The following TMEM154 variants were observed in gnomAD, a reference collection of about 807,000 sequenced individuals.
The protein encoded by TMEM154 is transmembrane protein 154.
TMEM154 carries 27 observed loss-of-function variants against 24.5 expected under a neutral mutation model. The ratio of observed to expected loss-of-function variants is 1.10; its 90% CI spans 0.81 to 1.52. The LOEUF is 1.52. TMEM154 is among the 40% of genes most tolerant of loss of function. The probability of loss-of-function intolerance (pLI) is 0.00; values close to 1 mark genes in which losing one functional copy is unlikely to be tolerated. For missense variants in TMEM154, 228 were observed against 213.4 expected (o/e 1.07, Z -0.43); for synonymous variants, 67 against 76.8 (o/e 0.87, Z 0.67).
At chr4:152,647,657 G>A (rs140954181) in intron 3 of TMEM154, among the ~76,000 whole-genome samples, 648 of 152,188 alleles carry the variant, frequency 4.3e-3, no homozygotes, top group Middle Eastern at 0.01. Flanking sequence ...ACATTCTAAT[G>A]TTCTTTAATT....
rs1728962157 is a variant in TMEM154 at position 152,676,915 on chromosome 4, C to T, written c.64+2955G>A. Reference sequence around the variant, plus strand: ...TGGCCTTCAGCTCTCCCTTCTGCAACAATTCTGCTTTTAGCAACTAACAAA... The same window carrying T: ...TGGCCTTCAGCTCTCCCTTCTGCAATAATTCTGCTTTTAGCAACTAACAAA... On this transcript the variant is annotated intron_variant, in intron 1 of 6. Transcript: ENST00000304385. Among the ~76,000 whole-genome samples the T allele has an allele frequency of 4.6e-5, 7 of 152,276 alleles. No homozygotes were observed. In the South Asian group the frequency reaches 1.4e-3, roughly 32 times the overall value.
chr4:152,643,636 G>A (rs1021872888), intron 4 of TMEM154, among the ~76,000 whole-genome samples: 1 of 152,180 alleles, frequency 6.6e-6, no homozygotes, highest in African/African-American at 2.4e-5. Context: ...CAATTCCCAG[G>A]CCTTTCTCTC....
chr4:152,649,648 C>T (rs2149783483), intron 3 of TMEM154, among the ~76,000 whole-genome samples: 1 of 152,296 alleles, frequency 6.6e-6, no homozygotes. Flanking sequence ...GACCCCAAGG[C>T]CTCTAGCCTT....
intron 1 of TMEM154, among the ~76,000 whole-genome samples, chr4:152,674,224 G>T (rs1728907532): frequency 6.6e-6 from 1 of 152,062 alleles, no homozygotes; most frequent in Non-Finnish European, 1.5e-5. Context: ...AAAGGTGTGG[G>T]CCCAGGGAGA....
At chr4:152,665,836 G>A (rs576541444) in intron 1 of TMEM154, among the ~76,000 whole-genome samples, 1 of 147,436 alleles carries the variant, frequency 6.8e-6, no homozygotes, top group Admixed American at 6.8e-5. Context: ...TGCCCAGCCT[G>A]GAGTGCAGTG....
intron 1 of TMEM154, 109 bp downstream of exon 1, chr4:152,679,761 G>A: frequency 6.8e-7 from 1 of 1,461,312 alleles, no homozygotes; most frequent in South Asian, 1.2e-5. Flanking sequence ...TTCACAGAAA[G>A]GATTAGATTT....
At chr4:152,648,798 T>C (rs1335294921) in intron 3 of TMEM154, among the ~76,000 whole-genome samples, 5 of 152,126 alleles carry the variant, frequency 3.3e-5, no homozygotes, top group Non-Finnish European at 7.4e-5. Context: ...ACCATGTGAG[T>C]GGATACCTCC....
At chr4:152,668,936 C>T (rs1283863096) in intron 1 of TMEM154, 1 of 152,198 alleles carries the variant, frequency 6.6e-6, no homozygotes, top group Non-Finnish European at 1.5e-5. Flanking sequence ...GCTTCTGGTC[C>T]TATTTCACCT....
intron 5 of TMEM154, 70 bp from the exon 6 acceptor site, chr4:152,641,055 A>G: frequency 6.9e-7 from 1 of 1,444,888 alleles, no homozygotes; most frequent in Non-Finnish European, 9.6e-7. Context: ...AACCTGATAC[A>G]GTTAAATACC....
chr4:152,635,658 A>G (rs4696141), intron 6 of TMEM154, among the ~76,000 whole-genome samples: 137,734 of 152,256 alleles, frequency 0.9, 62,431 homozygotes, highest in South Asian at 0.97. Flanking sequence ...ATAGTGAAGC[A>G]ACTCCTTTTT....
At chr4:152,634,803 C>T (rs1024647182) in intron 6 of TMEM154, among the ~76,000 whole-genome samples, 2 of 152,210 alleles carry the variant, frequency 1.3e-5, no homozygotes, top group Non-Finnish European at 2.9e-5. Context: ...ACTTGAATTA[C>T]AGATGATCCC....
intron 6 of TMEM154, among the ~76,000 whole-genome samples, chr4:152,629,879 G>C (rs1323740125): frequency 6.6e-6 from 1 of 152,300 alleles, no homozygotes; most frequent in Middle Eastern, 3.4e-3. Context: ...ATCCATGAAA[G>C]GGCAGGAGAC....
At chr4:152,637,540 A>C (rs13134429) in intron 6 of TMEM154, among the ~76,000 whole-genome samples, 16,635 of 152,056 alleles carry the variant, frequency 0.11, 1,226 homozygotes, top group African/African-American at 0.21. Flanking sequence ...AATGAAACTC[A>C]GTCTCGAAAA....
chr4:152,679,830 C>A, intron 1 of TMEM154, 40 bp downstream of exon 1: 2 of 1,585,272 alleles, frequency 1.3e-6, no homozygotes, highest in Non-Finnish European at 1.7e-6. Flanking sequence ...CCAGCTTTTG[C>A]GATCCTCCTT....
In TMEM154 at chr4:152,627,306, A is replaced by C. The variant is rs963897695; in HGVS notation, c.*1240T>G. On this transcript the variant is annotated 3_prime_UTR_variant, in exon 7 of 7. Coordinates refer to ENST00000304385, the MANE Select transcript of TMEM154 (RefSeq NM_152680.3). ...TCGGTTTATATGTGGGTAGTAAAAT[A>C]AATAAAATTTTCCTTCTTTGTCTCT... is the stretch of plus-strand genomic sequence containing the variant. 1 of 152,242 alleles carries C rather than the reference A, an allele frequency of 6.6e-6. No homozygotes were observed. Among genetic ancestry groups the C allele is most frequent in the African/African-American group, 2.4e-5 (1 of 41,462 alleles). The allele number at this position is 152,242 out of a possible 1,614,324, so 9.4% of individuals were successfully genotyped here.
chr4:152,641,056 G>A, intron 5 of TMEM154, 71 bp from the exon 6 acceptor site: 1 of 1,434,012 alleles, frequency 7.0e-7, no homozygotes, highest in Non-Finnish European at 9.6e-7. Context: ...ACCTGATACA[G>A]TTAAATACCA....
At chr4:152,642,565 T>C (rs1037022068) in intron 5 of TMEM154, among the ~76,000 whole-genome samples, 3 of 152,218 alleles carry the variant, frequency 2.0e-5, no homozygotes, top group African/African-American at 7.2e-5. Context: ...TCTAAAGTGA[T>C]AGAAATATTC....
chr4:152,639,113 G>T (rs768144548), intron 6 of TMEM154, among the ~76,000 whole-genome samples: 7 of 152,078 alleles, frequency 4.6e-5, no homozygotes, highest in South Asian at 2.1e-4. Flanking sequence ...ACAACGCCTG[G>T]CTAATTTTTG....
intron 3 of TMEM154, chr4:152,647,306 T>C: frequency 1.0e-6 from 1 of 985,390 alleles, no homozygotes; most frequent in Non-Finnish European, 1.2e-6. Context: ...TGGTATGACC[T>C]TCCATGATAG....
Sources: gnomAD v4.1 joint callset for allele counts (sites outside exome capture counted in the v4.1 genomes callset) on GRCh38, gnomAD v4.1.1 for gene constraint, MANE v1.5 for transcripts, NCBI Gene and HGNC (gene_info 2026-07-23, HGNC 2026-07-21) for gene names.